KALRN: variants seen among roughly 807,000 people sequenced by gnomAD.
The protein encoded by KALRN is kalirin.
A neutral mutation model predicts 353.7 loss-of-function variants in KALRN; 70 were observed. The ratio of observed to expected loss-of-function variants is 0.20; its 90% CI spans 0.16 to 0.24. KALRN has a LOEUF of 0.24. Among genes scored for constraint, KALRN ranks in the 10% least tolerant of loss-of-function variants. The probability of loss-of-function intolerance (pLI) is 1.00; values close to 1 mark genes in which losing one functional copy is unlikely to be tolerated. For missense variants in KALRN, 2,791 were observed against 3,756.7 expected (o/e 0.74, Z 6.72); for synonymous variants, 1,391 against 1,434.8 (o/e 0.97, Z 0.69).
chr3:124,629,951 A>G (rs1332737753), intron 34 of KALRN, among the ~76,000 whole-genome samples: 1 of 152,150 alleles, frequency 6.6e-6, no homozygotes, highest in Non-Finnish European at 1.5e-5. Context: ...CATAATTATT[A>G]CTTAGGAATT....
intron 25 of KALRN, among the ~76,000 whole-genome samples, chr3:124,470,733 C>T (rs2060803720): frequency 1.3e-5 from 2 of 151,982 alleles, no homozygotes; most frequent in South Asian, 4.2e-4. Flanking sequence ...AGGCAATGTA[C>T]AACCAGGTGT....
intron 33 of KALRN, among the ~76,000 whole-genome samples, chr3:124,543,429 G>A (rs2069272929): frequency 6.6e-6 from 1 of 151,818 alleles, no homozygotes; most frequent in Non-Finnish European, 1.5e-5. Flanking sequence ...AGCCTCCCGA[G>A]TAGCTGGGAC....
intron 23 of KALRN, among the ~76,000 whole-genome samples, chr3:124,459,639 T>C (rs987912879): frequency 2.0e-5 from 3 of 152,200 alleles, no homozygotes; most frequent in African/African-American, 7.2e-5. Context: ...TATAAACCAT[T>C]TCTTGACACT....
intron 1 of KALRN, among the ~76,000 whole-genome samples, chr3:124,137,982 G>C (rs970243459): frequency 7.9e-5 from 12 of 152,270 alleles, no homozygotes; most frequent in African/African-American, 2.9e-4. Context: ...TAGAGAACAA[G>C]GGAGGTCAGA....
intron 48 of KALRN, among the ~76,000 whole-genome samples, chr3:124,674,083 T>G (rs1480650739): frequency 6.6e-6 from 1 of 152,098 alleles, no homozygotes; most frequent in Admixed American, 6.5e-5. Context: ...GCAGGAAGGT[T>G]GTATGCTGGG....
chr3:124,079,196 A>AT (rs2060412138), intron 1 of KALRN, among the ~76,000 whole-genome samples: 1 of 152,068 alleles, frequency 6.6e-6, no homozygotes, highest in African/African-American at 2.4e-5. Flanking sequence ...AGCAGAGGGG[A>AT]TTTTTGCATC....
At chr3:124,239,667 C>A (rs2080209077) in intron 3 of KALRN, among the ~76,000 whole-genome samples, 1 of 152,214 alleles carries the variant, frequency 6.6e-6, no homozygotes, top group Admixed American at 6.5e-5. Flanking sequence ...CCTGCACTGT[C>A]TTTGTGCAGC....
At chr3:124,118,589 T>G (rs1425960123) in intron 1 of KALRN, among the ~76,000 whole-genome samples, 1 of 152,212 alleles carries the variant, frequency 6.6e-6, no homozygotes, top group African/African-American at 2.4e-5. Context: ...TTCCTAAGAC[T>G]TCTGTGCATC....
chr3:124,459,347 A>C (rs913610089), intron 23 of KALRN, among the ~76,000 whole-genome samples: 1 of 152,232 alleles, frequency 6.6e-6, no homozygotes, highest in Non-Finnish European at 1.5e-5. Context: ...ACATTTTGCA[A>C]GAATCTGAAG....
At chr3:124,503,820 C>G (rs554833635) in intron 33 of KALRN, among the ~76,000 whole-genome samples, 148 of 152,302 alleles carry the variant, frequency 9.7e-4, no homozygotes, top group Non-Finnish European at 1.7e-3. Context: ...TTGCATACCA[C>G]CAAAGGGTAT....
intron 34 of KALRN, among the ~76,000 whole-genome samples, chr3:124,576,712 C>T (rs1164608002): frequency 1.3e-5 from 2 of 152,170 alleles, no homozygotes; most frequent in Non-Finnish European, 2.9e-5. Flanking sequence ...TCATCAGAAA[C>T]CTCTGCACTG....
chr3:124,576,770 G>C (rs936084224), intron 34 of KALRN, among the ~76,000 whole-genome samples: 1 of 152,190 alleles, frequency 6.6e-6, no homozygotes, highest in Non-Finnish European at 1.5e-5. Flanking sequence ...GTGCCTGTAG[G>C]AGGGAAGGTG....
chr3:124,603,098 G>A (rs7623070), intron 34 of KALRN, among the ~76,000 whole-genome samples: 77,480 of 151,910 alleles, frequency 0.51, 20,125 homozygotes, highest in East Asian at 0.76. Context: ...ATTTGCATAT[G>A]TAAACCCTCT....
chr3:124,130,875 G>A (rs916111000), intron 1 of KALRN, among the ~76,000 whole-genome samples: 3 of 152,146 alleles, frequency 2.0e-5, no homozygotes, highest in African/African-American at 4.8e-5. Flanking sequence ...CCAGACATAA[G>A]AGAATACATA....
At chr3:124,483,190 G>T (rs1477413431) in intron 28 of KALRN, among the ~76,000 whole-genome samples, 1 of 152,220 alleles carries the variant, frequency 6.6e-6, no homozygotes, top group Non-Finnish European at 1.5e-5. Context: ...CTGGCTCCTA[G>T]AGGCTTTCTT....
chr3:124,637,728 G>T (rs1358227250), intron 37 of KALRN, among the ~76,000 whole-genome samples: 4 of 152,228 alleles, frequency 2.6e-5, no homozygotes, highest in African/African-American at 9.6e-5. Context: ...CTTCCAGCGT[G>T]CAAAGTCTTT....
intron 22 of KALRN, among the ~76,000 whole-genome samples, chr3:124,455,965 G>A (rs964124866): frequency 9.2e-5 from 14 of 152,308 alleles, no homozygotes; most frequent in African/African-American, 3.4e-4. Context: ...ATGATCTGAA[G>A]CAGAGCAGCC....
chr3:124,467,073 G>A (rs2107802873), intron 25 of KALRN, among the ~76,000 whole-genome samples: 1 of 152,328 alleles, frequency 6.6e-6, no homozygotes, highest in East Asian at 1.9e-4. Flanking sequence ...TTGGCTGGAA[G>A]CTATTAGATT....
chr3:124,311,000 A>G lies in KALRN; in HGVS notation c.1092+12087A>G, dbSNP rs188610353. Among the ~76,000 whole-genome samples the G allele has an allele frequency of 1.7e-3, 257 of 151,256 alleles. 1 individual carries two copies. The highest frequency in any genetic ancestry group is 3.4e-3 in the Middle Eastern group (1 of 294). On this transcript the variant is annotated intron_variant, in intron 6 of 59. Coordinates refer to ENST00000682506, the MANE Select transcript of KALRN (RefSeq NM_001388419.1). ...TATACAGATGGTCATAAGCACATGA[A>G]AAGATGCTTGACATAATTAGTCATC...
Sources: allele counts gnomAD v4.1 joint callset (sites outside exome capture counted in the v4.1 genomes callset), GRCh38; gene constraint gnomAD v4.1.1; transcripts MANE v1.5; gene names NCBI Gene and HGNC (gene_info 2026-07-23, HGNC 2026-07-21).